ADD3: variants seen among roughly 807,000 people sequenced by gnomAD.
The protein encoded by ADD3 is adducin 3, also known as gamma-adducin.
In ADD3, 25 loss-of-function variants were observed where a neutral mutation model predicts 80.2. The observed-to-expected ratio is 0.31, with a 90% CI of 0.23 to 0.44. The LOEUF is 0.44. Among genes scored for constraint, ADD3 ranks in the 20% least tolerant of loss-of-function variants. The pLI, the probability that ADD3 is intolerant of heterozygous loss-of-function variation, is 1.00. For synonymous variants in ADD3, 284 were observed against 289.6 expected, an observed-to-expected ratio of 0.98 and a Z score of 0.20; for missense variants, 829 against 847.5, an observed-to-expected ratio of 0.98 and a Z score of 0.27.
intron 1 of ADD3, among the ~76,000 whole-genome samples, chr10:110,079,565 T>C (rs1026659374): frequency 6.7e-5 from 10 of 150,146 alleles, no homozygotes; most frequent in African/African-American, 2.4e-4. Context: ...CTCTTTTCCT[T>C]TTTTTTTTGA....
intron 1 of ADD3, among the ~76,000 whole-genome samples, chr10:110,084,510 A>T (rs1480472440): frequency 1.3e-5 from 2 of 152,226 alleles, no homozygotes; most frequent in African/African-American, 4.8e-5. Flanking sequence ...CATATGGTCT[A>T]CAGTCTTATG....
At chr10:110,082,379 A>C (rs945532885) in intron 1 of ADD3, among the ~76,000 whole-genome samples, 1 of 152,190 alleles carries the variant, frequency 6.6e-6, no homozygotes, top group Non-Finnish European at 1.5e-5. Context: ...TACTCTACAC[A>C]CTTCCTGTCC....
chr10:110,057,464 G>A (rs1858344556), intron 1 of ADD3, among the ~76,000 whole-genome samples: 1 of 152,120 alleles, frequency 6.6e-6, no homozygotes, highest in Non-Finnish European at 1.5e-5. Context: ...CTCCTAGCCA[G>A]GAACTAATGC....
chr10:110,054,224 G>A (rs1857863010), intron 1 of ADD3, among the ~76,000 whole-genome samples: 1 of 152,090 alleles, frequency 6.6e-6, no homozygotes, highest in Non-Finnish European at 1.5e-5. Context: ...TTGAGTATGT[G>A]TTACTTTTAT....
Position 110,043,454 on chromosome 10 carries a change from G to A in ADD3, c.-30+35155G>A, listed in dbSNP as rs572033991. Reference sequence around the variant, plus strand: ...TATTTGCTGTTATTCCATTTTTAGGGTTAACTTAGCAGCCTGCTGCTTTAT... The same window carrying A: ...TATTTGCTGTTATTCCATTTTTAGGATTAACTTAGCAGCCTGCTGCTTTAT... On this transcript the variant is annotated intron_variant, in intron 1 of 14. Coordinates refer to ENST00000356080, the MANE Select transcript of ADD3 (RefSeq NM_016824.5). 2.0e-5 allele frequency among the ~76,000 whole-genome samples: 3 copies of A among 152,124 alleles called. No individual in the cohort carries two copies. In the South Asian group the frequency reaches 6.2e-4, roughly 32 times the overall value.
chr10:110,034,087 A>G (rs1855362579), intron 1 of ADD3, among the ~76,000 whole-genome samples: 1 of 152,172 alleles, frequency 6.6e-6, no homozygotes, highest in African/African-American at 2.4e-5. Flanking sequence ...CTCTAGTTCC[A>G]TCCCGTGGAG....
upstream of ADD3, among the ~76,000 whole-genome samples, chr10:110,005,562 A>C (rs180781921): frequency 2.0e-5 from 3 of 152,272 alleles, no homozygotes; most frequent in African/African-American, 7.2e-5. Context: ...TATAGTTATT[A>C]TTTTAGTACG....
chr10:110,021,105 G>T (rs1385077636), intron 1 of ADD3, among the ~76,000 whole-genome samples: 1 of 152,124 alleles, frequency 6.6e-6, no homozygotes, highest in South Asian at 2.1e-4. Flanking sequence ...TCTAATATGG[G>T]TTTGAAGTAT....
At chr10:110,092,801 C>T (rs1847708632) in intron 1 of ADD3, among the ~76,000 whole-genome samples, 1 of 151,626 alleles carries the variant, frequency 6.6e-6, no homozygotes, top group Non-Finnish European at 1.5e-5. Flanking sequence ...AAAAACCCCT[C>T]AGTTTTCTTA....
At chr10:110,050,097 T>TTG (rs1280516747) in intron 1 of ADD3, among the ~76,000 whole-genome samples, 4 of 152,142 alleles carry the variant, frequency 2.6e-5, no homozygotes, top group Non-Finnish European at 5.9e-5. Context: ...AGAAGAGACT[T>TTG]TGGACTGTGG....
At chr10:110,028,960 A>T (rs188688776) in intron 1 of ADD3, among the ~76,000 whole-genome samples, 1 of 150,972 alleles carries the variant, frequency 6.6e-6, no homozygotes, top group South Asian at 2.1e-4. Flanking sequence ...GCTCACCGCA[A>T]CCTCCGCCTC....
intron 1 of ADD3, among the ~76,000 whole-genome samples, chr10:110,040,031 C>T (rs1263530919): frequency 1.3e-5 from 2 of 152,226 alleles, no homozygotes; most frequent in African/African-American, 4.8e-5. Context: ...GCCCCTATTG[C>T]TGTTGCTCTC....
At chr10:110,072,118 G>A (rs1331961295) in intron 1 of ADD3, among the ~76,000 whole-genome samples, 1 of 152,192 alleles carries the variant, frequency 6.6e-6, no homozygotes, top group East Asian at 1.9e-4. Flanking sequence ...CTGGAGCGCA[G>A]TGGCGCAATC....
At chr10:110,074,610 T>C (rs1421477026) in intron 1 of ADD3, among the ~76,000 whole-genome samples, 1 of 152,138 alleles carries the variant, frequency 6.6e-6, no homozygotes, top group East Asian at 1.9e-4. Flanking sequence ...AGCTAAAATA[T>C]GTTTTCAATT....
chr10:110,101,605 C>A (rs1038097845), intron 2 of ADD3, among the ~76,000 whole-genome samples: 2 of 150,320 alleles, frequency 1.3e-5, no homozygotes, highest in African/African-American at 4.9e-5. Context: ...CCACTGCATT[C>A]CAGCCTGGGC....
At chr10:110,128,140 C>CT (rs1346339132) in intron 12 of ADD3, among the ~76,000 whole-genome samples, 2 of 121,028 alleles carry the variant, frequency 1.7e-5, no homozygotes, top group Non-Finnish European at 1.7e-5. Flanking sequence ...TCTTTTTAGT[C>CT]TTTTTTCTAA....
intron 13 of ADD3, 107 bp downstream of exon 13, chr10:110,130,593 C>T (rs1293371217): frequency 8.0e-7 from 1 of 1,245,094 alleles, no homozygotes; most frequent in South Asian, 1.5e-5. Flanking sequence ...CAATGGCTCA[C>T]ACCTGTAATC....
In ADD3 at chr10:110,124,274, G is replaced by T. The variant is rs755780836; in HGVS notation, c.1401G>T (p.Thr467=). 6.2e-7 allele frequency: 1 copy of T among 1,613,224 alleles called. No individual in the cohort carries two copies. Among genetic ancestry groups the T allele is most frequent in the South Asian group, 1.1e-5 (1 of 91,056 alleles). The part of the protein sequence containing the change: ...NGETSPRTKI[T]WMKAEDSSKV... ...AAACCAGTCCCCGAACCAAAATCAC[G>T]GTATGCCAGTATTTTATGTAGTTTG... Residue 467 remains threonine, a splice_region_variant and synonymous_variant, in exon 10 of 15, where the codon ACG becomes ACT. Transcript: ENST00000356080.
intron 1 of ADD3, among the ~76,000 whole-genome samples, chr10:110,090,790 T>C (rs981887495): frequency 6.6e-6 from 1 of 152,236 alleles, no homozygotes; most frequent in South Asian, 2.1e-4. Context: ...GTACAGAACA[T>C]TTAGTACCGC....
Sources: gnomAD v4.1 joint callset for allele counts (sites outside exome capture counted in the v4.1 genomes callset) on GRCh38, gnomAD v4.1.1 for gene constraint, MANE v1.5 for transcripts, NCBI Gene and HGNC (gene_info 2026-07-23, HGNC 2026-07-21) for gene names.